ROBO2: variants seen among roughly 807,000 people sequenced by gnomAD.
ROBO2 encodes the protein roundabout guidance receptor 2.
ROBO2 carries 53 observed loss-of-function variants against 160.8 expected under a neutral mutation model. The observed-to-expected ratio is 0.33, with a 90% CI of 0.26 to 0.41. ROBO2 has a LOEUF of 0.41. ROBO2 is among the 10% of genes least tolerant of loss of function. The pLI, the probability that ROBO2 is intolerant of heterozygous loss-of-function variation, is 1.00. For synonymous variants in ROBO2, 664 were observed against 611.7 expected (o/e 1.09, Z -1.26); for missense variants, 1,577 against 1,722.4 (o/e 0.92, Z 1.49).
chr3:76,283,327 G>A (rs1016159131), intron 2 of ROBO2, among the ~76,000 whole-genome samples: 6 of 150,740 alleles, frequency 4.0e-5, no homozygotes, highest in African/African-American at 1.2e-4. Flanking sequence ...GTTTATCTCA[G>A]GAAACAATTA....
At chr3:77,488,813 C>A (rs1349182291) in intron 4 of ROBO2, among the ~76,000 whole-genome samples, 1 of 152,098 alleles carries the variant, frequency 6.6e-6, no homozygotes, top group African/African-American at 2.4e-5. Context: ...ACATTTTTGG[C>A]CTGTACAACT....
intron 24 of ROBO2, among the ~76,000 whole-genome samples, chr3:77,635,735 T>G (rs2095252981): frequency 6.6e-6 from 1 of 152,230 alleles, no homozygotes; most frequent in African/African-American, 2.4e-5. Context: ...ATCAATGGTA[T>G]GTAGTCAGCT....
At chr3:76,905,784 T>C (rs1440618302) in intron 2 of ROBO2, among the ~76,000 whole-genome samples, 8 of 152,214 alleles carry the variant, frequency 5.3e-5, no homozygotes, top group Non-Finnish European at 7.3e-5. Flanking sequence ...CTGCTCCTCA[T>C]TCAGCCATCA....
chr3:76,336,740 AATC>A (rs1262473068), intron 2 of ROBO2, among the ~76,000 whole-genome samples: 17 of 152,250 alleles, frequency 1.1e-4, no homozygotes, highest in African/African-American at 4.1e-4. Context: ...ATTTTAAAAT[AATC>A]ATCATATAAA....
At chr3:77,430,668 C>T in intron 2 of ROBO2, among the ~76,000 whole-genome samples, 1 of 152,054 alleles carries the variant, frequency 6.6e-6, no homozygotes, top group East Asian at 1.9e-4. Flanking sequence ...TACAGGAGGG[C>T]ACCATCTCAG....
chr3:76,531,999 C>T (rs1472095430), intron 2 of ROBO2, among the ~76,000 whole-genome samples: 2 of 151,990 alleles, frequency 1.3e-5, no homozygotes, highest in African/African-American at 4.8e-5. Flanking sequence ...GGAGTTAAAC[C>T]CGTTTCTTTT....
intron 2 of ROBO2, among the ~76,000 whole-genome samples, chr3:77,101,849 G>T (rs889223438): frequency 6.6e-6 from 1 of 152,144 alleles, no homozygotes; most frequent in East Asian, 1.9e-4. Context: ...AGACCAGCCT[G>T]GGCAACATGG....
At chr3:77,456,423 G>A (rs1444012508) in intron 2 of ROBO2, among the ~76,000 whole-genome samples, 1 of 152,146 alleles carries the variant, frequency 6.6e-6, no homozygotes, top group Non-Finnish European at 1.5e-5. Context: ...AAACATTTAT[G>A]TGAAAAAACA....
chr3:77,548,348 G>A (rs2092784012), intron 7 of ROBO2, among the ~76,000 whole-genome samples: 1 of 152,032 alleles, frequency 6.6e-6, no homozygotes. Flanking sequence ...TGAAGGTTAA[G>A]CAAAATGTTA....
chr3:76,726,390 C>T (rs886954492), intron 2 of ROBO2, among the ~76,000 whole-genome samples: 2 of 152,074 alleles, frequency 1.3e-5, no homozygotes, highest in African/African-American at 2.4e-5. Context: ...ACACTTTGCC[C>T]TCCCGCAACT....
At chr3:77,573,209 A>G (rs1400078001) in intron 13 of ROBO2, among the ~76,000 whole-genome samples, 1 of 152,014 alleles carries the variant, frequency 6.6e-6, no homozygotes, top group East Asian at 1.9e-4. Flanking sequence ...TAAAAACATG[A>G]CAAAGTATTA....
intron 2 of ROBO2, among the ~76,000 whole-genome samples, chr3:76,256,349 C>A: frequency 1.2e-5 from 1 of 83,078 alleles, no homozygotes; most frequent in East Asian, 2.7e-4. Context: ...CTCTCTCTCT[C>A]TCTCACATAC....
intron 2 of ROBO2, among the ~76,000 whole-genome samples, chr3:76,319,513 T>C (rs1428240276): frequency 6.6e-6 from 1 of 152,056 alleles, no homozygotes; most frequent in Non-Finnish European, 1.5e-5. Flanking sequence ...ATGATTATGA[T>C]GTTGAAAACA....
intron 1 of ROBO2, among the ~76,000 whole-genome samples, chr3:77,096,868 A>T (rs1189951219): frequency 6.6e-6 from 1 of 152,164 alleles, no homozygotes; most frequent in Non-Finnish European, 1.5e-5. Flanking sequence ...TCTGTCAAGC[A>T]TTTTGATATG....
At chr3:76,136,597 A>C (rs1310545169) in intron 2 of ROBO2, among the ~76,000 whole-genome samples, 1 of 152,016 alleles carries the variant, frequency 6.6e-6, no homozygotes, top group African/African-American at 2.4e-5. Context: ...ATCTACATAC[A>C]TTGCTTGCAA....
chr3:77,127,362 C>T (rs2075435919), intron 2 of ROBO2, among the ~76,000 whole-genome samples: 1 of 152,124 alleles, frequency 6.6e-6, no homozygotes, highest in Admixed American at 6.5e-5. Context: ...TTCTGTTACT[C>T]TTGTACATAC....
At chr3:77,259,321 C>T (rs1285989732) in intron 2 of ROBO2, among the ~76,000 whole-genome samples, 3 of 152,144 alleles carry the variant, frequency 2.0e-5, no homozygotes, top group African/African-American at 7.2e-5. Context: ...AATGTAAGCA[C>T]CATAGAAGTT....
chr3:77,474,847 T>C (rs1041927681), intron 2 of ROBO2, among the ~76,000 whole-genome samples: 6 of 152,106 alleles, frequency 3.9e-5, no homozygotes, highest in African/African-American at 7.2e-5. Flanking sequence ...AAGGCAGAAA[T>C]GAATAATTAG....
intron 2 of ROBO2, among the ~76,000 whole-genome samples, chr3:76,954,101 A>T (rs2079108370): frequency 6.6e-6 from 1 of 152,230 alleles, no homozygotes; most frequent in African/African-American, 2.4e-5. Context: ...TATTCACCAG[A>T]GTAAATATTT....
Sources: allele counts gnomAD v4.1 joint callset (sites outside exome capture counted in the v4.1 genomes callset), GRCh38; gene constraint gnomAD v4.1.1; transcripts MANE v1.5; gene names NCBI Gene and HGNC (gene_info 2026-07-23, HGNC 2026-07-21).